The following ADAMTS2 variants were observed in gnomAD, a reference collection of about 807,000 sequenced individuals.
ADAMTS2 encodes the protein ADAM metallopeptidase with thrombospondin type 1 motif 2.
A neutral mutation model predicts 123.0 loss-of-function variants in ADAMTS2; 50 were observed. The observed-to-expected ratio is 0.41, with a 90% CI of 0.32 to 0.51. The LOEUF (loss-of-function observed/expected upper bound fraction) is 0.51, where lower values mean the gene tolerates loss of function less well. Ranked by LOEUF, ADAMTS2 falls within the 20% of genes least tolerant of loss-of-function variation. ADAMTS2 has a pLI of 0.35. For missense variants in ADAMTS2, 1,494 were observed against 1,705.2 expected (o/e 0.88, Z 2.18); for synonymous variants, 678 against 695.4 (o/e 0.98, Z 0.39).
chr5:179,338,156 C>G (rs27697), intron 2 of ADAMTS2, among the ~76,000 whole-genome samples: 45,284 of 152,078 alleles, frequency 0.3, 7,355 homozygotes, highest in East Asian at 0.51. Flanking sequence ...GCTGGCCTTG[C>G]TGGGCTCCGG....
At chr5:179,179,356 G>A (rs1369370825) in intron 5 of ADAMTS2, among the ~76,000 whole-genome samples, 1 of 151,898 alleles carries the variant, frequency 6.6e-6, no homozygotes, top group Non-Finnish European at 1.5e-5. Flanking sequence ...AGCGAAGATG[G>A]ACAAAATCGT....
chr5:179,223,383 C>A (rs1035349284), intron 3 of ADAMTS2, among the ~76,000 whole-genome samples: 1 of 110,662 alleles, frequency 9.0e-6, no homozygotes, highest in Non-Finnish European at 1.9e-5. Context: ...CACGCACACA[C>A]GAATGCACTC....
intron 10 of ADAMTS2, among the ~76,000 whole-genome samples, chr5:179,143,038 T>A (rs1763196119): frequency 6.6e-6 from 1 of 152,078 alleles, no homozygotes; most frequent in African/African-American, 2.4e-5. Context: ...AGTAATGTGT[T>A]TAAAGAACAA....
chr5:179,119,891 G>C (rs1762723781), intron 21 of ADAMTS2, among the ~76,000 whole-genome samples: 1 of 152,140 alleles, frequency 6.6e-6, no homozygotes, highest in Admixed American at 6.5e-5. Flanking sequence ...ATAGAACCTA[G>C]ATATTCTTGC....
rs1234686588 is a variant in ADAMTS2 at position 179,155,453 on chromosome 5, C to T, written c.1133-534G>A. ...TTGAGACCCTAGCTAGACCTGTTTC[C>T]ATAATGCCGCAGAAGGCTGCAAAGC... On this transcript the variant is annotated intron_variant, in intron 6 of 21. Coordinates refer to ENST00000251582, the MANE Select transcript of ADAMTS2 (RefSeq NM_014244.5). This position sits in a 1 kb window ranked among gnomAD's most constrained non-coding sequence, Gnocchi z 5.1. Among the ~76,000 whole-genome samples, 1 of 152,190 alleles carries T rather than the reference C, an allele frequency of 6.6e-6. No individual in the cohort carries two copies. Among genetic ancestry groups the T allele is most frequent in the African/African-American group, 2.4e-5 (1 of 41,458 alleles).
chr5:179,123,276 C>G (rs1762793957), intron 19 of ADAMTS2, among the ~76,000 whole-genome samples: 2 of 152,356 alleles, frequency 1.3e-5, no homozygotes, highest in African/African-American at 4.8e-5. Context: ...AGGGAGGTGC[C>G]AGAAGGAGCA....
intron 3 of ADAMTS2, among the ~76,000 whole-genome samples, chr5:179,247,443 A>T (rs946809279): frequency 3.3e-5 from 5 of 152,180 alleles, no homozygotes; most frequent in Admixed American, 3.3e-4. Flanking sequence ...AGAGAAACAA[A>T]GGGGCATAAA....
intron 19 of ADAMTS2, among the ~76,000 whole-genome samples, chr5:179,124,627 C>T (rs955729702): frequency 1.3e-5 from 2 of 152,216 alleles, no homozygotes; most frequent in Non-Finnish European, 2.9e-5. Flanking sequence ...CCACTGGCGC[C>T]GTGAAACCCA....
At chr5:179,208,520 T>C (rs1764773274) in intron 3 of ADAMTS2, among the ~76,000 whole-genome samples, 1 of 152,160 alleles carries the variant, frequency 6.6e-6, no homozygotes, top group Non-Finnish European at 1.5e-5. Flanking sequence ...CCCTGGCCAC[T>C]TGGGGCTGCC....
chr5:179,183,797 C>A (rs1253802234), intron 4 of ADAMTS2, among the ~76,000 whole-genome samples: 2 of 152,212 alleles, frequency 1.3e-5, no homozygotes, highest in South Asian at 2.1e-4. Context: ...CCCCACCAGG[C>A]CTCTGCCTGC....
At chr5:179,333,380 C>G (rs147918787) in intron 2 of ADAMTS2, among the ~76,000 whole-genome samples, 1 of 152,152 alleles carries the variant, frequency 6.6e-6, no homozygotes, top group Admixed American at 6.5e-5. Flanking sequence ...TAGTGAGCAC[C>G]CGTCATGCTG....
At chr5:179,315,804 G>A (rs891889133) in intron 2 of ADAMTS2, among the ~76,000 whole-genome samples, 1 of 152,218 alleles carries the variant, frequency 6.6e-6, no homozygotes, top group Non-Finnish European at 1.5e-5. Flanking sequence ...GAACTGAACA[G>A]CCACAGCCAC....
rs537908351 is a variant in ADAMTS2 at position 179,314,762 on chromosome 5, G to C, written c.534+29005C>G. Among the ~76,000 whole-genome samples the C allele has an allele frequency of 6.6e-6, 1 of 152,232 alleles. No homozygotes were observed. Among genetic ancestry groups the C allele is most frequent in the Non-Finnish European group, 1.5e-5 (1 of 68,014 alleles). On this transcript the variant is annotated intron_variant, in intron 2 of 21. Transcript: ENST00000251582. The surrounding 1 kb of genome is among the most constrained non-coding windows in gnomAD (Gnocchi z 4.5). ...CAGGTGGGGCTCCTGTCCCCCGCCA[G>C]TGCCCCCAACCTCTACTCCAGCAGA...
chr5:179,142,817 C>T (rs1251149517), intron 10 of ADAMTS2, among the ~76,000 whole-genome samples: 1 of 152,166 alleles, frequency 6.6e-6, no homozygotes, highest in Non-Finnish European at 1.5e-5. Flanking sequence ...CTAAAATCAA[C>T]AAGCAAACAG....
chr5:179,183,788 C>T lies in ADAMTS2; in HGVS notation c.892-2633G>A, dbSNP rs367629094. On this transcript the variant is annotated intron_variant, in intron 4 of 21. Transcript: ENST00000251582. ...CAGAGGGGACTCATCCCTACTGCCC[C>T]CCACCAGGCCTCTGCCTGCAAATGG... Among the ~76,000 whole-genome samples the T allele has an allele frequency of 3.8e-4, 58 of 152,310 alleles. No homozygotes were observed. In the South Asian group the frequency reaches 0.011, roughly 30 times the overall value.
chr5:179,173,212 T>TTAATAATAATAATAA (rs71589488), intron 5 of ADAMTS2, among the ~76,000 whole-genome samples: 1,626 of 145,168 alleles, frequency 0.011, 26 homozygotes, highest in African/African-American at 0.039. Flanking sequence ...ACCCCATCTC[T>TTAATAATAATAATAA]TAATAATAAT....
chr5:179,243,459 T>C (rs1228115240), intron 3 of ADAMTS2, among the ~76,000 whole-genome samples: 1 of 152,166 alleles, frequency 6.6e-6, no homozygotes, highest in Admixed American at 6.5e-5. Flanking sequence ...CGCTCAAGGC[T>C]GTGCCCTCCA....
At chr5:179,243,785 G>C (rs1765720154) in intron 3 of ADAMTS2, among the ~76,000 whole-genome samples, 1 of 152,168 alleles carries the variant, frequency 6.6e-6, no homozygotes, top group Non-Finnish European at 1.5e-5. Context: ...AGGAAACCAT[G>C]CTTATGTAAA....
chr5:179,124,931 TCA>T, intron 19 of ADAMTS2, 40 bp downstream of exon 19: 2 of 1,516,606 alleles, frequency 1.3e-6, no homozygotes, highest in Non-Finnish European at 8.8e-7. Context: ...CTGTCCACCC[TCA>T]GTTTTGGAGC....
Sources: gnomAD v4.1 joint callset for allele counts (sites outside exome capture counted in the v4.1 genomes callset) on GRCh38, gnomAD v4.1.1 for gene constraint, Gnocchi (gnomAD v3.1) non-coding constraint, MANE v1.5 for transcripts, NCBI Gene and HGNC (gene_info 2026-07-23, HGNC 2026-07-21) for gene names.